Variants in PCDHGC5 observed in about 807,000 individuals in gnomAD.
PCDHGC5 encodes protocadherin gamma subfamily C, 5, also known as protocadherin gamma-C5.
A neutral mutation model predicts 59.0 loss-of-function variants in PCDHGC5; 25 were observed. The ratio of observed to expected loss-of-function variants is 0.42; its 90% CI spans 0.31 to 0.59. The LOEUF (loss-of-function observed/expected upper bound fraction) is 0.59. Among genes scored for constraint, PCDHGC5 ranks in the 20% least tolerant of loss-of-function variants. The probability of loss-of-function intolerance (pLI) is 0.13; values close to 1 mark genes in which losing one functional copy is unlikely to be tolerated. For synonymous variants in PCDHGC5, 434 were observed against 505.5 expected, an observed-to-expected ratio of 0.86 and a Z score of 1.90; for missense variants, 1,067 against 1,206.4, an observed-to-expected ratio of 0.88 and a Z score of 1.71.
intron 3 of PCDHGC5, among the ~76,000 whole-genome samples, chr5:141,510,511 T>C (rs2099881465): frequency 6.6e-6 from 1 of 152,142 alleles, no homozygotes; most frequent in Non-Finnish European, 1.5e-5. Context: ...TGAGAGCCCG[T>C]GTCACAGCCC....
rs1299573831 is a variant in PCDHGC5 at position 141,500,662 on chromosome 5, T to A, written c.2520-4731T>A. 5.3e-5 allele frequency among the ~76,000 whole-genome samples: 8 copies of A among 152,352 alleles called. No homozygotes were observed. The East Asian group carries it at 1.5e-3, about 29-fold the overall frequency. ...TTTTTAAAAATAGCAACTGAGGCCA[T>A]ACTGTCCAACAGAATTATAGCTTTT... On this transcript the variant is annotated intron_variant, in intron 2 of 3. Coordinates refer to ENST00000252087, the MANE Select transcript of PCDHGC5 (RefSeq NM_018929.3).
At chr5:141,503,263 C>T (rs2099818883) in intron 2 of PCDHGC5, among the ~76,000 whole-genome samples, 2 of 152,212 alleles carry the variant, frequency 1.3e-5, no homozygotes, top group South Asian at 4.2e-4. Context: ...GCCACAACCC[C>T]AGCACCTGGC....
intron 1 of PCDHGC5, chr5:141,492,046 AC>A (rs955983612): frequency 2.0e-6 from 1 of 494,316 alleles, no homozygotes; most frequent in African/African-American, 2.0e-5. Context: ...TCACAGATCC[AC>A]CCCTGCAGCC....
intron 3 of PCDHGC5, among the ~76,000 whole-genome samples, chr5:141,507,918 G>C (rs1409126707): frequency 6.6e-6 from 1 of 152,208 alleles, no homozygotes; most frequent in Non-Finnish European, 1.5e-5. Flanking sequence ...CAGGCCTGTG[G>C]GGCTGCTGAG....
chr5:141,492,285 A>T (rs2099739112), intron 1 of PCDHGC5, among the ~76,000 whole-genome samples: 1 of 152,132 alleles, frequency 6.6e-6, no homozygotes, highest in African/African-American at 2.4e-5. Flanking sequence ...CGCCCCGCCA[A>T]CACGTGCGCG....
chr5:141,510,568 G>C (rs2099881703), intron 3 of PCDHGC5, among the ~76,000 whole-genome samples: 1 of 152,100 alleles, frequency 6.6e-6, no homozygotes, highest in Non-Finnish European at 1.5e-5. Context: ...CATCTACCAG[G>C]CACTATTTTA....
chr5:141,491,006 T>C lies in PCDHGC5; in HGVS notation c.1766T>C (p.Val589Ala). The C allele has an allele frequency of 6.2e-7, 1 of 1,614,062 alleles. No homozygotes were observed. Among genetic ancestry groups the C allele is most frequent in the Non-Finnish European group, 8.5e-7 (1 of 1,180,028 alleles). The part of the protein sequence containing the change: ...LPRSAPPGSL[V>A]TKVTAVDADA... ...CGCTCTGCTCCTCCTGGCTCCTTGG[T>C]CACCAAGGTGACAGCCGTGGATGCT... Residue 589 changes from valine to alanine, a missense_variant, in exon 1 of 4, where the codon GTC becomes GCC. By Grantham distance (64) the Val-to-Ala change is moderately conservative (BLOSUM62 0). Transcript: ENST00000252087. This position sits in a 1 kb window ranked among gnomAD's most constrained non-coding sequence, Gnocchi z 6.9.
intron 2 of PCDHGC5, among the ~76,000 whole-genome samples, chr5:141,497,332 A>G (rs537994715): frequency 6.6e-6 from 1 of 152,024 alleles, no homozygotes; most frequent in Non-Finnish European, 1.5e-5. Context: ...AGAATTCACC[A>G]TTGAACCTGG....
intron 2 of PCDHGC5, among the ~76,000 whole-genome samples, chr5:141,496,353 C>T (rs761547879): frequency 4.6e-5 from 7 of 152,210 alleles, no homozygotes; most frequent in Non-Finnish European, 8.8e-5. Context: ...AGTCTCAGAG[C>T]CCAGGGAGAG....
rs189767695 is a variant in PCDHGC5, at chr5:141,497,247, T to C, written c.2519+2382T>C. Among the ~76,000 whole-genome samples the C allele has an allele frequency of 2.0e-5, 3 of 151,456 alleles. No individual in the cohort carries two copies. The East Asian group carries it at 5.8e-4, about 29-fold the overall frequency. ...ATCAGAGAAGGCTTCTAGGAGGAGGTGACATTGAGAAGTTCTAGGCCATTT... is the reference window on the plus strand; with the variant it reads ...ATCAGAGAAGGCTTCTAGGAGGAGGCGACATTGAGAAGTTCTAGGCCATTT... On this transcript the variant is annotated intron_variant, in intron 2 of 3. Transcript: ENST00000252087.
intron 2 of PCDHGC5, among the ~76,000 whole-genome samples, chr5:141,497,050 G>A (rs113054804): frequency 6.6e-5 from 10 of 152,096 alleles, no homozygotes; most frequent in East Asian, 5.8e-4. Context: ...TTAGCCAGGC[G>A]TGGTGGCAGG....
At position 141,511,237 on chromosome 5, in the gene PCDHGC5, TG is replaced by T; in HGVS notation, c.*65del. 1 of 1,590,378 alleles carries T rather than the reference TG, an allele frequency of 6.3e-7. No individual in the cohort carries two copies. Among genetic ancestry groups the T allele is most frequent in the Non-Finnish European group, 8.6e-7 (1 of 1,168,304 alleles). On this transcript the variant is annotated 3_prime_UTR_variant, in exon 4 of 4. Transcript: ENST00000252087. ...CCAACCAGCCCAGCTTCTCCTTACC[TG>T]CACCCAGGCCTCAGAGTTTCAGGGC...
chr5:141,512,712 A>G lies in PCDHGC5; in HGVS notation c.*1539A>G, dbSNP rs1362654237. 1 of 152,806 alleles carries G rather than the reference A, an allele frequency of 6.5e-6. No homozygotes were observed. The highest frequency in any genetic ancestry group is 2.4e-5 in the African/African-American group (1 of 41,414). 9.5% of individuals were successfully genotyped at this position (152,806 alleles called of 1,614,324 possible). On this transcript the variant is annotated 3_prime_UTR_variant, in exon 4 of 4. Coordinates refer to ENST00000252087, the MANE Select transcript of PCDHGC5 (RefSeq NM_018929.3). Reference sequence around the variant, plus strand: ...GTGTAGTGCGGTGTGCTTTTACGTGATGGCGGGTGGGCAGCGGGCGGCGGG... The same window carrying G: ...GTGTAGTGCGGTGTGCTTTTACGTGGTGGCGGGTGGGCAGCGGGCGGCGGG...
At position 141,511,420 on chromosome 5, in the gene PCDHGC5, G is replaced by A; in HGVS notation, c.*247G>A. On this transcript the variant is annotated 3_prime_UTR_variant, in exon 4 of 4. Coordinates refer to ENST00000252087, the MANE Select transcript of PCDHGC5 (RefSeq NM_018929.3). ...TCCAATCAACTGCTGTACCCATGGG[G>A]GTAGTGGGGTTACTGTAGACACCAA... 2.4e-6 allele frequency: 2 copies of A among 830,862 alleles called. No individual in the cohort carries two copies. Among genetic ancestry groups the A allele is most frequent in the Non-Finnish European group, 1.8e-6 (1 of 557,336 alleles). The allele number at this position is 830,862 out of a possible 1,614,324, so 51.5% of individuals were successfully genotyped here.
Position 141,489,140 on chromosome 5 carries a change from G to A in PCDHGC5, c.-101G>A. ...CCTCCGAGCAGTTTTTAAGAGGCTG[G>A]AAGGAGACATAAGAGACTTCAGCTG... is the stretch of plus-strand genomic sequence containing the variant. On this transcript the variant is annotated 5_prime_UTR_variant, in exon 1 of 4. Transcript: ENST00000252087. The surrounding 1 kb of genome is among the most constrained non-coding windows in gnomAD (Gnocchi z 4.5). The A allele has an allele frequency of 1.2e-6, 1 of 841,390 alleles. No individual in the cohort carries two copies. Among genetic ancestry groups the A allele is most frequent in the South Asian group, 2.1e-5 (1 of 47,082 alleles). The allele number at this position is 841,390 out of a possible 1,614,324, so 52.1% of individuals were successfully genotyped here.
chr5:141,502,037 C>T (rs2154593041), intron 2 of PCDHGC5, among the ~76,000 whole-genome samples: 1 of 152,302 alleles, frequency 6.6e-6, no homozygotes, highest in East Asian at 1.9e-4. Context: ...CGCCGCTTGC[C>T]TGCTCTCCCT....
rs1360364370 is a variant in PCDHGC5, at chr5:141,491,814, G to A, written c.2460+114G>A. 1 of 1,486,114 alleles carries A rather than the reference G, an allele frequency of 6.7e-7. No individual in the cohort carries two copies. The allele number at this position is 1,486,114 out of a possible 1,614,324, so 92.1% of individuals were successfully genotyped here. On this transcript the variant is annotated intron_variant, in intron 1 of 3. Transcript: ENST00000252087. This position sits in a 1 kb window ranked among gnomAD's most constrained non-coding sequence, Gnocchi z 6.9. ...TCCTCTCCGGCCGGCTTGGTCGCTGGCTGCGCTCCACCCGATTCTCGGGAT... is the reference window on the plus strand; with the variant it reads ...TCCTCTCCGGCCGGCTTGGTCGCTGACTGCGCTCCACCCGATTCTCGGGAT...
rs1243232069 is a variant in PCDHGC5 at position 141,490,842 on chromosome 5, G to A, written c.1602G>A (p.Val534=). ...YELLQMLQIV[V]GVRDSGSPPL... is the part of the protein sequence containing the mutation. Reference sequence around the variant, plus strand: ...TGCTGCAGATGCTGCAGATTGTGGTGGGGGTTCGAGACTCCGGCTCTCCCC... The same window carrying A: ...TGCTGCAGATGCTGCAGATTGTGGTAGGGGTTCGAGACTCCGGCTCTCCCC... Residue 534 remains valine, a synonymous_variant, in exon 1 of 4, where the codon GTG becomes GTA. Transcript: ENST00000252087. The surrounding 1 kb of genome is among the most constrained non-coding windows in gnomAD (Gnocchi z 5.4). 4.3e-6 allele frequency: 7 copies of A among 1,613,844 alleles called. No homozygotes were observed. In the South Asian group the frequency reaches 6.6e-5, roughly 15 times the overall value.
At chr5:141,503,936 C>G (rs2099834285) in intron 2 of PCDHGC5, among the ~76,000 whole-genome samples, 1 of 152,186 alleles carries the variant, frequency 6.6e-6, no homozygotes, top group Non-Finnish European at 1.5e-5. Flanking sequence ...CATTTTCATG[C>G]CTTCAAGGCC....
Sources: allele counts gnomAD v4.1 joint callset (sites outside exome capture counted in the v4.1 genomes callset), GRCh38; gene constraint gnomAD v4.1.1; non-coding constraint Gnocchi (gnomAD v3.1); transcripts MANE v1.5; gene names NCBI Gene and HGNC (gene_info 2026-07-23, HGNC 2026-07-21).